Variants in PCNX4 observed in about 807,000 individuals in gnomAD.
PCNX4 encodes pecanex-like protein 4.
PCNX4 carries 103 observed loss-of-function variants against 107.2 expected under a neutral mutation model. The ratio of observed to expected loss-of-function variants is 0.96; its 90% CI spans 0.82 to 1.13. PCNX4 has a LOEUF of 1.13. PCNX4 is among the 50% of genes most tolerant of loss of function. The pLI is 0.00. For missense variants in PCNX4, 1,528 were observed against 1,379.4 expected, an observed-to-expected ratio of 1.11 and a Z score of -1.71; for synonymous variants, 541 against 481.7, an observed-to-expected ratio of 1.12 and a Z score of -1.61.
intron 8 of PCNX4, among the ~76,000 whole-genome samples, chr14:60,122,789 AATGTTTTGTTTTGTTTTGTTTTAT>A (rs1182794148): frequency 1.3e-5 from 2 of 152,140 alleles, no homozygotes; most frequent in Non-Finnish European, 2.9e-5. Flanking sequence ...GCCTTTAACA[AATGTTTTGTTTTGTTTTGTTTTAT>A]ATAATGAATA....
Position 60,134,536 on chromosome 14 carries a change from T to TTATA in PCNX4, c.*316_*319dup. 1 of 270,678 alleles carries TTATA rather than the reference T, an allele frequency of 3.7e-6. No individual in the cohort carries two copies. Among genetic ancestry groups the TTATA allele is most frequent in the East Asian group, 8.0e-5 (1 of 12,564 alleles). The allele number at this position is 270,678 out of a possible 1,614,324, so 16.8% of individuals were successfully genotyped here. On this transcript the variant is annotated 3_prime_UTR_variant, in exon 11 of 11. Transcript: ENST00000406854. Reference sequence around the variant, plus strand: ...ATTTTGTAATGCTTTCTTAAATGTGTTATAGGTGAATTGCCATACAAAGTT... The same window carrying TTATA: ...ATTTTGTAATGCTTTCTTAAATGTGTTATATATAGGTGAATTGCCATACAAAGTT...
At chr14:60,117,074 T>C (rs1040024426) in intron 6 of PCNX4, among the ~76,000 whole-genome samples, 1 of 152,172 alleles carries the variant, frequency 6.6e-6, no homozygotes, top group African/African-American at 2.4e-5. Context: ...AAAAAAGTTA[T>C]AGTAAGCTGA....
intron 1 of PCNX4, among the ~76,000 whole-genome samples, chr14:60,095,836 A>C (rs922553627): frequency 6.6e-6 from 1 of 151,840 alleles, no homozygotes; most frequent in Admixed American, 6.6e-5. Context: ...AAGGAAAGGA[A>C]AAAAAAAGAA....
Position 60,136,352 on chromosome 14 carries a change from C to A in PCNX4, c.*2131C>A, listed in dbSNP as rs1896240044. On this transcript the variant is annotated 3_prime_UTR_variant, in exon 11 of 11. Coordinates refer to ENST00000406854, the MANE Select transcript of PCNX4 (RefSeq NM_001330177.2). ...TTCTCAACAATTGATTCTAGGCCCC[C>A]CTTTGTGTTTCTGCAATCACCATAG... 6.6e-6 allele frequency: 1 copy of A among 152,174 alleles called. No individual in the cohort carries two copies. Among genetic ancestry groups the A allele is most frequent in the South Asian group, 2.1e-4 (1 of 4,832 alleles). The allele number at this position is 152,174 out of a possible 1,614,324, so 9.4% of individuals were successfully genotyped here. A position where few individuals can be genotyped will look rare whatever the true frequency, so the allele number is the denominator to read the frequency against.
chr14:60,116,688 A>G (rs1053059160), intron 6 of PCNX4, among the ~76,000 whole-genome samples: 1 of 152,172 alleles, frequency 6.6e-6, no homozygotes, highest in African/African-American at 2.4e-5. Context: ...TTTAGAGTAT[A>G]TTCCTACATA....
chr14:60,114,814 C>G lies in PCNX4; in HGVS notation c.804C>G (p.Leu268=). 6.2e-7 allele frequency: 1 copy of G among 1,613,836 alleles called. No homozygotes were observed. Among genetic ancestry groups the G allele is most frequent in the Non-Finnish European group, 8.5e-7 (1 of 1,179,844 alleles). Residue 268 remains leucine, a synonymous_variant, in exon 3 of 11, where the codon CTC becomes CTG. Coordinates refer to ENST00000406854, the MANE Select transcript of PCNX4 (RefSeq NM_001330177.2). ...LGTLPPPDAL[L]LWAMEQVLEF... ...CTCTGCCCCCACCCGATGCACTTCTCTTATGGGCAATGGAGCAGGTTTTAG... is the reference window on the plus strand; with the variant it reads ...CTCTGCCCCCACCCGATGCACTTCTGTTATGGGCAATGGAGCAGGTTTTAG...
At chr14:60,095,924 T>C (rs556325294) in intron 1 of PCNX4, among the ~76,000 whole-genome samples, 1 of 152,354 alleles carries the variant, frequency 6.6e-6, no homozygotes, top group Admixed American at 6.5e-5. Flanking sequence ...GCTATATTAC[T>C]GCCTTCTCAA....
chr14:60,113,787 G>A (rs1292814079), intron 2 of PCNX4, among the ~76,000 whole-genome samples: 1 of 152,134 alleles, frequency 6.6e-6, no homozygotes, highest in Non-Finnish European at 1.5e-5. Flanking sequence ...TACCCCAGAA[G>A]TACTCTGACC....
chr14:60,107,527 C>G, intron 1 of PCNX4, 59 bp from the exon 2 acceptor site: 1 of 931,742 alleles, frequency 1.1e-6, no homozygotes, highest in South Asian at 1.8e-5. Context: ...TGAGGTTTTT[C>G]CTCATAGGTT....
intron 10 of PCNX4, 91 bp downstream of exon 10, chr14:60,125,914 A>G (rs1425580701): frequency 4.7e-6 from 4 of 857,852 alleles, no homozygotes; most frequent in Non-Finnish European, 6.6e-6. Context: ...TAAATGATAT[A>G]ACGTTATAGC....
chr14:60,147,204 C>T lies in PCNX4; in HGVS notation c.*12983C>T, dbSNP rs1353945560. ...GCCATGATCACGCCACTGCAGACTCCAGCCTGGGTGACAGGGCGAGACCCT... is the reference window on the plus strand; with the variant it reads ...GCCATGATCACGCCACTGCAGACTCTAGCCTGGGTGACAGGGCGAGACCCT... On this transcript the variant is annotated 3_prime_UTR_variant, in exon 11 of 11. Transcript: ENST00000406854. 6.6e-6 allele frequency: 1 copy of T among 152,018 alleles called. No individual in the cohort carries two copies. Among genetic ancestry groups the T allele is most frequent in the East Asian group, 1.9e-4 (1 of 5,190 alleles). The allele number at this position is 152,018 out of a possible 1,614,324, so 9.4% of individuals were successfully genotyped here. A position where few individuals can be genotyped will look rare whatever the true frequency, so the allele number is the denominator to read the frequency against.
chr14:60,092,883 G>C (rs922641448), intron 1 of PCNX4, among the ~76,000 whole-genome samples: 1 of 152,206 alleles, frequency 6.6e-6, no homozygotes, highest in Non-Finnish European at 1.5e-5. Context: ...CAGTGAATCG[G>C]AAGTTGTTTT....
At chr14:60,095,534 G>T (rs1041565376) in intron 1 of PCNX4, among the ~76,000 whole-genome samples, 1 of 152,182 alleles carries the variant, frequency 6.6e-6, no homozygotes, top group African/African-American at 2.4e-5. Context: ...GCATGACCCA[G>T]TTCCCAGCTT....
intron 2 of PCNX4, chr14:60,109,283 C>G (rs1356649949): frequency 6.0e-6 from 1 of 167,072 alleles, no homozygotes; most frequent in Non-Finnish European, 1.5e-5. Context: ...GTTGTTTAAG[C>G]CACTCAGCTT....
chr14:60,101,715 AAAG>A (rs1895536212), intron 1 of PCNX4, among the ~76,000 whole-genome samples: 1 of 152,216 alleles, frequency 6.6e-6, no homozygotes, highest in African/African-American at 2.4e-5. Flanking sequence ...ATAATTAAAA[AAAG>A]AGCTACCATA....
intron 2 of PCNX4, 24 bp downstream of exon 2, chr14:60,108,351 TAA>T (rs1895672015): frequency 6.6e-7 from 1 of 1,525,692 alleles, no homozygotes; most frequent in African/African-American, 1.4e-5. Context: ...AAATACTTTG[TAA>T]CTAACTTTGT....
At chr14:60,123,630 T>C (rs1315343296) in intron 8 of PCNX4, among the ~76,000 whole-genome samples, 2 of 152,184 alleles carry the variant, frequency 1.3e-5, no homozygotes, top group East Asian at 1.9e-4. Flanking sequence ...ATTGATGATA[T>C]TCACTCAGCA....
rs1221273632 is a variant in PCNX4 at position 60,138,611 on chromosome 14, A to G, written c.*4390A>G. ...ACTGAAAGAAAATATCTGCAATTTT[A>G]GAATTCAATACCCAGCCTTTCCCCA... On this transcript the variant is annotated 3_prime_UTR_variant, in exon 11 of 11. Transcript: ENST00000406854. 1 of 152,234 alleles carries G rather than the reference A, an allele frequency of 6.6e-6. No individual in the cohort carries two copies. Among genetic ancestry groups the G allele is most frequent in the Non-Finnish European group, 1.5e-5 (1 of 68,038 alleles). 9.4% of individuals were successfully genotyped at this position (152,234 alleles called of 1,614,324 possible).
rs985332282 is a variant in PCNX4, at chr14:60,137,416, C to T, written c.*3195C>T. The T allele has an allele frequency of 2.0e-5, 3 of 152,232 alleles. No individual in the cohort carries two copies. Among genetic ancestry groups the T allele is most frequent in the Non-Finnish European group, 4.4e-5 (3 of 68,062 alleles). The allele number at this position is 152,232 out of a possible 1,614,324, so 9.4% of individuals were successfully genotyped here. A position where few individuals can be genotyped will look rare whatever the true frequency, so the allele number is the denominator to read the frequency against. On this transcript the variant is annotated 3_prime_UTR_variant, in exon 11 of 11. Coordinates refer to ENST00000406854, the MANE Select transcript of PCNX4 (RefSeq NM_001330177.2). ...TGTAAGGGTGAAGAAAAACCAGATG[C>T]AGTTAGGATCTTCTCACTTCCCAAA...
Sources: gnomAD v4.1 joint callset for allele counts (sites outside exome capture counted in the v4.1 genomes callset) on GRCh38, gnomAD v4.1.1 for gene constraint, MANE v1.5 for transcripts, NCBI Gene and HGNC (gene_info 2026-07-23, HGNC 2026-07-21) for gene names.